Variants in SMYD2 observed in about 807,000 individuals in gnomAD.
SMYD2 encodes SET and MYND domain containing 2.
In SMYD2, 53 loss-of-function variants were observed where a neutral mutation model predicts 59.1. That is an observed-to-expected ratio of 0.90 (90% CI 0.72 to 1.13). The LOEUF is 1.13. Ranked by LOEUF, SMYD2 falls within the 50% of genes most tolerant of loss-of-function variation. The pLI, the probability that SMYD2 is intolerant of heterozygous loss-of-function variation, is 0.00. For missense variants in SMYD2, 494 were observed against 544.7 expected (o/e 0.91, Z 0.93); for synonymous variants, 208 against 198.8 (o/e 1.05, Z -0.39).
Position 214,318,753 on chromosome 1 carries a change from T to C in SMYD2, c.410-106T>C, listed in dbSNP as rs1657124645. Reference sequence around the variant, plus strand: ...GTTCAACATGTTAGTTTTGGGTTTTTTTTTTTTCGCCCGTTCCTTTCCTCT... The same window carrying C: ...GTTCAACATGTTAGTTTTGGGTTTTCTTTTTTTCGCCCGTTCCTTTCCTCT... On this transcript the variant is annotated intron_variant, in intron 4 of 11. Transcript: ENST00000366957. This position sits in a 1 kb window ranked among gnomAD's most constrained non-coding sequence, Gnocchi z 5.4. 2.2e-6 allele frequency: 3 copies of C among 1,361,266 alleles called. No homozygotes were observed. The highest frequency in any genetic ancestry group is 2.0e-4 in the Middle Eastern group (1 of 5,012). The allele number at this position is 1,361,266 out of a possible 1,614,324, so 84.3% of individuals were successfully genotyped here.
At chr1:214,324,464 G>A (rs1657229495) in intron 5 of SMYD2, among the ~76,000 whole-genome samples, 177 bp from the exon 6 acceptor site, 2 of 152,142 alleles carry the variant, frequency 1.3e-5, no homozygotes, top group South Asian at 2.1e-4. Context: ...GTTTGTTTAT[G>A]CATGGAACTG....
At chr1:214,288,301 T>G (rs189587131) in intron 1 of SMYD2, among the ~76,000 whole-genome samples, 1 of 152,372 alleles carries the variant, frequency 6.6e-6, no homozygotes, top group East Asian at 1.9e-4. Flanking sequence ...CCTTATTCCA[T>G]TTTACATAGA....
At chr1:214,325,773 C>CTTTT (rs59821609) in intron 6 of SMYD2, among the ~76,000 whole-genome samples, 1 of 118,780 alleles carries the variant, frequency 8.4e-6, no homozygotes. Context: ...AGGAAAGAAG[C>CTTTT]TTTTTTTTTT....
In SMYD2 at chr1:214,306,419, G is replaced by T. The variant is rs548182028; in HGVS notation, c.237+1169G>T. Among the ~76,000 whole-genome samples, 3 of 152,326 alleles carry T rather than the reference G, an allele frequency of 2.0e-5. No homozygotes were observed. The East Asian group carries it at 5.8e-4, about 29-fold the overall frequency. The stretch of plus-strand genomic sequence containing the variant: ...CGGCCCCTCCCCAGAATGAAGCACA[G>T]GCTGAGACCTTGGCTTGGGAAGCTC... On this transcript the variant is annotated intron_variant, in intron 2 of 11. Coordinates refer to ENST00000366957, the MANE Select transcript of SMYD2 (RefSeq NM_020197.3).
At chr1:214,281,540 G>C in intron 1 of SMYD2, 113 bp downstream of exon 1, 1 of 969,060 alleles carries the variant, frequency 1.0e-6, no homozygotes, top group Non-Finnish European at 1.3e-6. Flanking sequence ...GCCGGCCCTT[G>C]GGGCGGGGTG....
chr1:214,315,521 A>G (rs1657071753), intron 3 of SMYD2, among the ~76,000 whole-genome samples: 1 of 152,214 alleles, frequency 6.6e-6, no homozygotes, highest in Admixed American at 6.5e-5. Flanking sequence ...AACTCTGACT[A>G]TTCTGTGGTG....
intron 6 of SMYD2, among the ~76,000 whole-genome samples, chr1:214,326,300 C>T (rs181225744): frequency 6.6e-6 from 1 of 150,382 alleles, no homozygotes; most frequent in Non-Finnish European, 1.5e-5. Context: ...TGGTTGCCAA[C>T]AGAATTATGA....
chr1:214,326,401 T>C (rs1197676294), intron 6 of SMYD2, among the ~76,000 whole-genome samples: 5 of 152,154 alleles, frequency 3.3e-5, no homozygotes, highest in Non-Finnish European at 5.9e-5. Context: ...TTCAGCTATT[T>C]AATACTTCCG....
intron 3 of SMYD2, 49 bp downstream of exon 3, chr1:214,314,921 T>C (rs1291435826): frequency 6.9e-7 from 1 of 1,440,990 alleles, no homozygotes; most frequent in African/African-American, 1.4e-5. Context: ...GTTTTTCTTT[T>C]AAAGGTCAGA....
chr1:214,284,518 G>A (rs1278214084), intron 1 of SMYD2, among the ~76,000 whole-genome samples: 1 of 150,874 alleles, frequency 6.6e-6, no homozygotes, highest in Non-Finnish European at 1.5e-5. Flanking sequence ...TTACAGGCAT[G>A]AGCCACTGCG....
Position 214,312,686 on chromosome 1 carries a change from G to C in SMYD2, c.238-2076G>C, listed in dbSNP as rs567888032. On this transcript the variant is annotated intron_variant, in intron 2 of 11. Coordinates refer to ENST00000366957, the MANE Select transcript of SMYD2 (RefSeq NM_020197.3). The surrounding 1 kb of genome is among the most constrained non-coding windows in gnomAD (Gnocchi z 4.1). ...GGTACATGGCTCCAGGCGCAGCCAG[G>C]ACACTTCTGTGGCTAAGTGCAGTGA... 9.2e-5 allele frequency among the ~76,000 whole-genome samples: 14 copies of C among 152,298 alleles called. No individual in the cohort carries two copies. In the South Asian group the frequency reaches 2.9e-3, roughly 32 times the overall value.
intron 2 of SMYD2, among the ~76,000 whole-genome samples, chr1:214,306,709 G>C (rs1656920510): frequency 1.3e-5 from 2 of 152,232 alleles, no homozygotes; most frequent in African/African-American, 4.8e-5. Flanking sequence ...AGATGAGTTA[G>C]CTGTTTCTAT....
At chr1:214,331,270 C>G in intron 9 of SMYD2, 200 bp downstream of exon 9, 1 of 735,382 alleles carries the variant, frequency 1.4e-6, no homozygotes, top group Non-Finnish European at 2.1e-6. Flanking sequence ...TTTTATTTCC[C>G]CTTATTTTGG....
chr1:214,327,508 T>TA, intron 6 of SMYD2, 114 bp from the exon 7 acceptor site: 1 of 847,622 alleles, frequency 1.2e-6, no homozygotes, highest in Non-Finnish European at 1.9e-6. Context: ...ATTAGATTTT[T>TA]AAAAAATGTC....
In SMYD2 at chr1:214,330,206, A is replaced by C; in HGVS notation, c.744A>C (p.Glu248Asp). 6.2e-7 allele frequency: 1 copy of C among 1,613,626 alleles called. No homozygotes were observed. Among genetic ancestry groups the C allele is most frequent in the Non-Finnish European group, 8.5e-7 (1 of 1,179,676 alleles). Residue 248 changes from glutamate to aspartate, a missense_variant, in exon 8 of 12, where the codon GAA becomes GAC. Coordinates refer to ENST00000366957, the MANE Select transcript of SMYD2 (RefSeq NM_020197.3). ...ATATTGATCTCCTGTACCCAACGGA[A>C]GATAGAAATGACCGGTTAAGAGATT... ...TSYIDLLYPT[E>D]DRNDRLRDSY...
intron 2 of SMYD2, among the ~76,000 whole-genome samples, chr1:214,307,880 C>G (rs142175698): frequency 6.7e-4 from 102 of 152,334 alleles, no homozygotes; most frequent in African/African-American, 2.4e-3. Context: ...TACTCTACAA[C>G]AAGAAGTTGA....
chr1:214,335,376 CA>C (rs1178915292), intron 11 of SMYD2, among the ~76,000 whole-genome samples: 1 of 152,152 alleles, frequency 6.6e-6, no homozygotes, highest in Non-Finnish European at 1.5e-5. Flanking sequence ...AGTAATAGAT[CA>C]ATGAAAGCTG....
intron 1 of SMYD2, among the ~76,000 whole-genome samples, chr1:214,283,839 GATAA>G (rs1373385052): frequency 1.3e-5 from 2 of 152,078 alleles, no homozygotes; most frequent in African/African-American, 4.8e-5. Flanking sequence ...TACTGCTTAA[GATAA>G]ATGAATGACC....
At chr1:214,327,786 G>A (rs1657287169) in intron 7 of SMYD2, 62 bp downstream of exon 7, 1 of 1,380,206 alleles carries the variant, frequency 7.2e-7, no homozygotes, top group Non-Finnish European at 1.0e-6. Context: ...AAAAGGCAAT[G>A]TGGACAGATC....
Sources: gnomAD v4.1 joint callset for allele counts (sites outside exome capture counted in the v4.1 genomes callset) on GRCh38, gnomAD v4.1.1 for gene constraint, Gnocchi (gnomAD v3.1) non-coding constraint, MANE v1.5 for transcripts, NCBI Gene and HGNC (gene_info 2026-07-23, HGNC 2026-07-21) for gene names.